Variants in PPP1R13B observed in about 807,000 individuals in gnomAD.
The protein encoded by PPP1R13B is apoptosis-stimulating of p53 protein 1.
Under a neutral mutation model 119.8 loss-of-function variants are expected in PPP1R13B, and 44 were observed. That is an observed-to-expected ratio of 0.37 (90% CI 0.29 to 0.47). The LOEUF is 0.47. Ranked by LOEUF, PPP1R13B falls within the 20% of genes least tolerant of loss-of-function variation. PPP1R13B has a pLI of 0.99. For synonymous variants in PPP1R13B, 542 were observed against 561.5 expected, an observed-to-expected ratio of 0.97 and a Z score of 0.49; for missense variants, 1,227 against 1,413.5, an observed-to-expected ratio of 0.87 and a Z score of 2.12.
At chr14:103,805,278 AG>A (rs2085990726) in intron 1 of PPP1R13B, among the ~76,000 whole-genome samples, 1 of 152,176 alleles carries the variant, frequency 6.6e-6, no homozygotes, top group Admixed American at 6.6e-5. Context: ...GTAGCCAAAA[AG>A]AAGAAACAAG....
Position 103,827,110 on chromosome 14 carries a change from G to A in PPP1R13B, c.9+20189C>T, listed in dbSNP as rs373387294. 5.9e-5 allele frequency among the ~76,000 whole-genome samples: 9 copies of A among 152,196 alleles called. 1 individual carries two copies. The East Asian group carries it at 7.7e-4, about 13-fold the overall frequency. Reference sequence around the variant, plus strand: ...GAGGCCGAGGCGGGTGGATCATGAGGTCAGGAGATCGAGACCATCCTGGTT... The same window carrying A: ...GAGGCCGAGGCGGGTGGATCATGAGATCAGGAGATCGAGACCATCCTGGTT... On this transcript the variant is annotated intron_variant, in intron 1 of 16. Coordinates refer to ENST00000202556, the MANE Select transcript of PPP1R13B (RefSeq NM_015316.3).
chr14:103,789,329 CTG>C (rs2085554553), intron 2 of PPP1R13B, among the ~76,000 whole-genome samples: 1 of 152,070 alleles, frequency 6.6e-6, no homozygotes, highest in Non-Finnish European at 1.5e-5. Flanking sequence ...AGCGATTCTC[CTG>C]CCTCAGCCTC....
At chr14:103,756,712 C>A (rs1401807522) in intron 5 of PPP1R13B, among the ~76,000 whole-genome samples, 1 of 152,022 alleles carries the variant, frequency 6.6e-6, no homozygotes, top group East Asian at 1.9e-4. Context: ...AAGAACATAC[C>A]CAGAGGCAAA....
chr14:103,751,353 G>T (rs2084540192), intron 7 of PPP1R13B, among the ~76,000 whole-genome samples: 1 of 152,166 alleles, frequency 6.6e-6, no homozygotes, highest in Non-Finnish European at 1.5e-5. Context: ...TTACGTTAAA[G>T]AACTTAACAG....
At position 103,740,913 on chromosome 14, in the gene PPP1R13B, G is replaced by T. The variant is rs1237281677; in HGVS notation, c.1823-320C>A. ...CAAGCCTGCCTGTTTTCTGGCCAAGGAAAAAGACAAAAACCACTAAACATG... is the reference window on the plus strand; with the variant it reads ...CAAGCCTGCCTGTTTTCTGGCCAAGTAAAAAGACAAAAACCACTAAACATG... On this transcript the variant is annotated intron_variant, in intron 11 of 16. Coordinates refer to ENST00000202556, the MANE Select transcript of PPP1R13B (RefSeq NM_015316.3). The surrounding 1 kb of genome is among the most constrained non-coding windows in gnomAD (Gnocchi z 4.6). 3.3e-5 allele frequency among the ~76,000 whole-genome samples: 5 copies of T among 152,194 alleles called. No homozygotes were observed. The highest frequency in any genetic ancestry group is 1.2e-4 in the African/African-American group (5 of 41,448).
At chr14:103,805,865 T>C (rs559877248) in intron 1 of PPP1R13B, among the ~76,000 whole-genome samples, 3 of 152,256 alleles carry the variant, frequency 2.0e-5, no homozygotes, top group Non-Finnish European at 2.9e-5. Flanking sequence ...TGCCTAGGAC[T>C]GGGGATGGGA....
At chr14:103,748,478 G>A (rs903608778) in intron 8 of PPP1R13B, among the ~76,000 whole-genome samples, 1 of 152,180 alleles carries the variant, frequency 6.6e-6, no homozygotes, top group Non-Finnish European at 1.5e-5. Flanking sequence ...AGCAGTAGAG[G>A]CTAACAAGAG....
At chr14:103,845,648 G>A (rs539473318) in intron 1 of PPP1R13B, among the ~76,000 whole-genome samples, 1 of 152,270 alleles carries the variant, frequency 6.6e-6, no homozygotes, top group East Asian at 1.9e-4. Context: ...AAGTTTCTTA[G>A]CAGGATATTT....
At chr14:103,787,137 A>C (rs2152028425) in intron 2 of PPP1R13B, among the ~76,000 whole-genome samples, 1 of 152,006 alleles carries the variant, frequency 6.6e-6, no homozygotes. Flanking sequence ...TGCAAAACTA[A>C]TCTTTTACAT....
At chr14:103,783,616 A>G (rs542895263) in intron 3 of PPP1R13B, among the ~76,000 whole-genome samples, 1 of 152,266 alleles carries the variant, frequency 6.6e-6, no homozygotes, top group South Asian at 2.1e-4. Context: ...CAGTGGCACA[A>G]TCATGGCTCA....
chr14:103,781,288 C>T (rs1051190848), intron 3 of PPP1R13B, among the ~76,000 whole-genome samples: 7 of 152,186 alleles, frequency 4.6e-5, no homozygotes, highest in Admixed American at 2.0e-4. Flanking sequence ...AGCAGCACTT[C>T]AACTGTCAGC....
At chr14:103,844,910 C>T (rs1396061979) in intron 1 of PPP1R13B, among the ~76,000 whole-genome samples, 3 of 152,030 alleles carry the variant, frequency 2.0e-5, no homozygotes, top group South Asian at 2.1e-4. Context: ...AAACTGTCAC[C>T]GGATTCACAC....
At chr14:103,743,435 G>A (rs2084308284) in intron 9 of PPP1R13B, among the ~76,000 whole-genome samples, 1 of 152,204 alleles carries the variant, frequency 6.6e-6, no homozygotes, top group African/African-American at 2.4e-5. Context: ...TTTCAGGAAA[G>A]CCACTGAAAT....
intron 1 of PPP1R13B, among the ~76,000 whole-genome samples, chr14:103,840,689 G>A (rs922515185): frequency 2.0e-5 from 3 of 152,014 alleles, no homozygotes; most frequent in Non-Finnish European, 4.4e-5. Flanking sequence ...TGCTTTGGAG[G>A]ATGAGGCAGG....
At chr14:103,829,814 C>G (rs1395808448) in intron 1 of PPP1R13B, among the ~76,000 whole-genome samples, 2 of 152,140 alleles carry the variant, frequency 1.3e-5, no homozygotes, top group Admixed American at 1.3e-4. Flanking sequence ...CAGTCTCCCT[C>G]TGTCACCAGG....
intron 8 of PPP1R13B, chr14:103,746,949 G>A: frequency 6.4e-6 from 1 of 156,818 alleles, no homozygotes; most frequent in East Asian, 1.9e-4. Context: ...TGCTGCTTCG[G>A]GCAGGTGACT....
chr14:103,803,712 G>A (rs2085955727), intron 1 of PPP1R13B, among the ~76,000 whole-genome samples: 1 of 152,098 alleles, frequency 6.6e-6, no homozygotes, highest in African/African-American at 2.4e-5. Context: ...GCTACAGTTA[G>A]GAAAACAAAA....
At chr14:103,779,178 AC>A in intron 3 of PPP1R13B, among the ~76,000 whole-genome samples, 1 of 124,274 alleles carries the variant, frequency 8.0e-6, no homozygotes, top group Non-Finnish European at 1.8e-5. Flanking sequence ...AGTCTCAGCT[AC>A]TTGGGGGGCT....
intron 2 of PPP1R13B, among the ~76,000 whole-genome samples, chr14:103,793,187 G>C (rs1595781067): frequency 1.3e-5 from 2 of 151,294 alleles, no homozygotes; most frequent in East Asian, 3.9e-4. Flanking sequence ...GGGAAGAAAA[G>C]GGAAGAGAAG....
Sources: allele counts gnomAD v4.1 joint callset (sites outside exome capture counted in the v4.1 genomes callset), GRCh38; gene constraint gnomAD v4.1.1; non-coding constraint Gnocchi (gnomAD v3.1); transcripts MANE v1.5; gene names NCBI Gene and HGNC (gene_info 2026-07-23, HGNC 2026-07-21).